Variants in ZNF485 observed in about 807,000 individuals in gnomAD.
ZNF485 encodes zinc finger protein 485.
A neutral mutation model predicts 10.8 loss-of-function variants in ZNF485; 9 were observed. The observed-to-expected ratio is 0.83, with a 90% CI of 0.50 to 1.45. The LOEUF (loss-of-function observed/expected upper bound fraction) is 1.45. ZNF485 is among the 40% of genes most tolerant of loss of function. ZNF485 has a pLI of 0.00. For missense variants in ZNF485, 487 were observed against 528.0 expected (o/e 0.92, Z 0.76); for synonymous variants, 187 against 181.0 (o/e 1.03, Z -0.27).
At chr10:43,615,061 T>G (rs1001778805) in intron 4 of ZNF485, among the ~76,000 whole-genome samples, 2 of 152,246 alleles carry the variant, frequency 1.3e-5, no homozygotes, top group African/African-American at 4.8e-5. Context: ...GTGGGCTGTT[T>G]CTGACTGGGC....
In ZNF485 at chr10:43,616,512, C is replaced by A; in HGVS notation, c.469C>A (p.Pro157Thr). 3 of 1,614,130 alleles carry A rather than the reference C, an allele frequency of 1.9e-6. 1 individual carries two copies. Among genetic ancestry groups the A allele is most frequent in the South Asian group, 2.2e-5 (2 of 91,074 alleles). Reference protein sequence around the residue: ...SHQRNHTSEKPHKCKECGIAF... With the variant: ...SHQRNHTSEKTHKCKECGIAF... Reference sequence around the variant, plus strand: ...CCAGAGAAATCACACCAGTGAGAAACCACATAAATGTAAAGAATGTGGGAT... The same window carrying A: ...CCAGAGAAATCACACCAGTGAGAAAACACATAAATGTAAAGAATGTGGGAT... Residue 157 changes from proline (P) to threonine (T), a missense_variant, in exon 5 of 5, where the codon CCA becomes ACA. By Grantham distance (38) the Pro-to-Thr change is conservative. Coordinates refer to ENST00000361807, the MANE Select transcript of ZNF485 (RefSeq NM_145312.4).
In ZNF485 at chr10:43,617,862, C is replaced by T. The variant is rs1237310014; in HGVS notation, c.*493C>T. ...AGTTTCAGGAAATCTATATTATATGCATTCAAAAAGACCTGGACAAATAAA... is the reference window on the plus strand; with the variant it reads ...AGTTTCAGGAAATCTATATTATATGTATTCAAAAAGACCTGGACAAATAAA... On this transcript the variant is annotated 3_prime_UTR_variant, in exon 5 of 5. Transcript: ENST00000361807. The T allele has an allele frequency of 6.6e-6, 1 of 151,984 alleles. No individual in the cohort carries two copies. The highest frequency in any genetic ancestry group is 1.5e-5 in the Non-Finnish European group (1 of 68,180). 9.4% of individuals were successfully genotyped at this position (151,984 alleles called of 1,614,324 possible).
intron 4 of ZNF485, among the ~76,000 whole-genome samples, chr10:43,610,421 G>A (rs1049699780): frequency 7.9e-5 from 12 of 152,148 alleles, no homozygotes; most frequent in Non-Finnish European, 1.8e-4. Context: ...GTAATACATA[G>A]TCTTGCTTAA....
At chr10:43,614,014 G>C (rs1838810944) in intron 4 of ZNF485, among the ~76,000 whole-genome samples, 1 of 152,148 alleles carries the variant, frequency 6.6e-6, no homozygotes, top group South Asian at 2.1e-4. Flanking sequence ...AGGAGTTCGA[G>C]ACCAGCCTGG....
chr10:43,606,821 GCAGTC>G (rs1838656317), intron 1 of ZNF485, among the ~76,000 whole-genome samples, 171 bp from the exon 2 acceptor site: 1 of 152,236 alleles, frequency 6.6e-6, no homozygotes, highest in Non-Finnish European at 1.5e-5. Context: ...GGAGCTGGCT[GCAGTC>G]CAGGCCGGAT....
intron 4 of ZNF485, among the ~76,000 whole-genome samples, chr10:43,610,457 G>A (rs1221376914): frequency 6.6e-6 from 1 of 152,010 alleles, no homozygotes; most frequent in Non-Finnish European, 1.5e-5. Flanking sequence ...GTTGTGGGTG[G>A]GATGCTTTTG....
chr10:43,609,317 G>A lies in ZNF485; in HGVS notation c.214G>A (p.Glu72Lys). 1 of 1,613,990 alleles carries A rather than the reference G, an allele frequency of 6.2e-7. No individual in the cohort carries two copies. The highest frequency in any genetic ancestry group is 8.5e-7 in the Non-Finnish European group (1 of 1,179,908). Reference protein sequence around the residue: ...QLEQGAEPWTEVREAPSGTHA... With the variant: ...QLEQGAEPWTKVREAPSGTHA... Reference sequence around the variant, plus strand: ...GGAGCAAGGGGCAGAGCCCTGGACTGAGGTGCGAGAGGCTCCATCAGGCAC... The same window carrying A: ...GGAGCAAGGGGCAGAGCCCTGGACTAAGGTGCGAGAGGCTCCATCAGGCAC... The change falls in exon 4 of 5, where the codon GAG becomes AAG. Residue 72 changes from glutamate to lysine, a missense_variant. Physicochemically the swap from Glu to Lys is moderately conservative, Grantham distance 56. Transcript: ENST00000361807.
At chr10:43,613,409 T>A (rs1032282406) in intron 4 of ZNF485, among the ~76,000 whole-genome samples, 3 of 152,274 alleles carry the variant, frequency 2.0e-5, no homozygotes, top group Non-Finnish European at 4.4e-5. Flanking sequence ...ATTTCTTTGC[T>A]GTGGATCAAT....
intron 1 of ZNF485, 42 bp from the exon 2 acceptor site, chr10:43,606,955 G>T (rs1802494395): frequency 6.7e-7 from 1 of 1,495,276 alleles, no homozygotes; most frequent in East Asian, 2.5e-5. Context: ...AGCTAGGCTA[G>T]GGCACGGAGG....
rs1838667768 is a variant in ZNF485, at chr10:43,607,181, G to C, written c.24+107G>C. The C allele has an allele frequency of 2.9e-6, 4 of 1,364,082 alleles. No individual in the cohort carries two copies. The East Asian group carries it at 1.0e-4, about 34-fold the overall frequency. The allele number at this position is 1,364,082 out of a possible 1,614,324, so 84.5% of individuals were successfully genotyped here. ...GCCCTGTGTGTGGACAAAGCTACCC[G>C]AACCAATCCTGGATGGGTCCCGCGA... On this transcript the variant is annotated intron_variant, in intron 2 of 4. Transcript: ENST00000361807.
rs1271209241 is a variant in ZNF485 at position 43,606,500 on chromosome 10, G to A, written c.-101G>A. On this transcript the variant is annotated 5_prime_UTR_variant, in exon 1 of 5. Transcript: ENST00000361807. ...ACTGTCCGAACGGCGTGGTGTGGTCGCTGACTCTCTGGGCGTGCAGCTCCG... is the reference window on the plus strand; with the variant it reads ...ACTGTCCGAACGGCGTGGTGTGGTCACTGACTCTCTGGGCGTGCAGCTCCG... The A allele has an allele frequency of 5.5e-6, 2 of 366,850 alleles. No homozygotes were observed. The highest frequency in any genetic ancestry group is 1.4e-4 in the East Asian group (2 of 14,210). The allele number at this position is 366,850 out of a possible 1,614,324, so 22.7% of individuals were successfully genotyped here.
chr10:43,607,132 T>A lies in ZNF485; in HGVS notation c.24+58T>A, dbSNP rs1838665300. On this transcript the variant is annotated intron_variant, in intron 2 of 4. Transcript: ENST00000361807. Reference sequence around the variant, plus strand: ...ACGTGTTTCAGCGAGGTGGGGTTTATGCCTCTTGCCCGGACAATGCCCTGC... The same window carrying A: ...ACGTGTTTCAGCGAGGTGGGGTTTAAGCCTCTTGCCCGGACAATGCCCTGC... 3 of 1,545,260 alleles carry A rather than the reference T, an allele frequency of 1.9e-6. No individual in the cohort carries two copies. In the Admixed American group the frequency reaches 5.9e-5, roughly 30 times the overall value.
rs911207850 is a variant in ZNF485 at position 43,607,033 on chromosome 10, G to C, written c.-18G>C. 6 of 1,551,850 alleles carry C rather than the reference G, an allele frequency of 3.9e-6. No homozygotes were observed. The highest frequency in any genetic ancestry group is 5.2e-6 in the Non-Finnish European group (6 of 1,147,032). On this transcript the variant is annotated 5_prime_UTR_variant, in exon 2 of 5. Coordinates refer to ENST00000361807, the MANE Select transcript of ZNF485 (RefSeq NM_145312.4). The stretch of plus-strand genomic sequence containing the variant: ...CAGGATTCTCAGCCCTTGCCTGGGA[G>C]AACAGTTCAGGAGACAGATGGCCCC...
At chr10:43,611,918 T>G (rs1838776178) in intron 4 of ZNF485, among the ~76,000 whole-genome samples, 1 of 152,198 alleles carries the variant, frequency 6.6e-6, no homozygotes, top group South Asian at 2.1e-4. Flanking sequence ...TATCACAGAT[T>G]TTTTTTAAAA....
chr10:43,616,355 T>TC lies in ZNF485; in HGVS notation c.313dup (p.Leu105ProfsTer27), dbSNP rs1188386995. 8 of 1,613,892 alleles carry TC rather than the reference T, an allele frequency of 5.0e-6. 1 individual carries two copies. In the South Asian group the frequency reaches 8.8e-5, roughly 18 times the overall value. Reference sequence around the variant, plus strand: ...AGCAAAGCACTTCTGAAGCATCTGTTCTGGGAGAGCGAACGAAAAGTGTCA... The same window carrying TC: ...AGCAAAGCACTTCTGAAGCATCTGTTCCTGGGAGAGCGAACGAAAAGTGTCA... On this transcript the variant is annotated frameshift_variant, in exon 5 of 5. Coordinates refer to ENST00000361807, the MANE Select transcript of ZNF485 (RefSeq NM_145312.4). LOFTEE classifies it low-confidence loss of function (END_TRUNC).
chr10:43,608,808 T>C, intron 3 of ZNF485, 68 bp downstream of exon 3: 1 of 1,558,776 alleles, frequency 6.4e-7, no homozygotes, highest in Non-Finnish European at 8.7e-7. Flanking sequence ...ACAGGGTGAA[T>C]GGTTTGGGGT....
At position 43,609,445 on chromosome 10, in the gene ZNF485, CA is replaced by C. The variant is rs1468263361; in HGVS notation, c.247+96del. 8.5e-5 allele frequency: 78 copies of C among 915,380 alleles called. 1 individual carries two copies. Among genetic ancestry groups the C allele is most frequent in the Non-Finnish European group, 2.9e-5 (17 of 590,460 alleles). 56.7% of individuals were successfully genotyped at this position (915,380 alleles called of 1,614,324 possible). On this transcript the variant is annotated intron_variant, in intron 4 of 4. Coordinates refer to ENST00000361807, the MANE Select transcript of ZNF485 (RefSeq NM_145312.4). ...CTCATCTTTGAGTGCCCTGTTGGTG[CA>C]GAAAGGCACTGGTTTCCTCTTTTGA...
intron 4 of ZNF485, among the ~76,000 whole-genome samples, chr10:43,613,704 T>C (rs1448641884): frequency 6.6e-6 from 1 of 152,256 alleles, no homozygotes; most frequent in East Asian, 1.9e-4. Flanking sequence ...GCTACATTTC[T>C]GTTGGGCATG....
intron 2 of ZNF485, among the ~76,000 whole-genome samples, chr10:43,607,773 G>A (rs756189992): frequency 7.9e-5 from 12 of 152,060 alleles, no homozygotes; most frequent in East Asian, 1.9e-4. Flanking sequence ...ATTTTTTTAA[G>A]GCTTACTCAT....
Sources: allele counts gnomAD v4.1 joint callset (sites outside exome capture counted in the v4.1 genomes callset), GRCh38; gene constraint gnomAD v4.1.1; transcripts MANE v1.5; gene names NCBI Gene and HGNC (gene_info 2026-07-23, HGNC 2026-07-21).